The following FBN2 variants were observed in gnomAD, a reference collection of about 807,000 sequenced individuals.
FBN2 encodes fibrillin-2.
Under a neutral mutation model 355.6 loss-of-function variants are expected in FBN2, and 105 were observed. The ratio of observed to expected loss-of-function variants is 0.30; its 90% CI spans 0.25 to 0.35. The LOEUF is 0.35. FBN2 is among the 10% of genes least tolerant of loss of function. The probability of loss-of-function intolerance (pLI) is 1.00; values close to 1 mark genes in which losing one functional copy is unlikely to be tolerated. For synonymous variants in FBN2, 1,350 were observed against 1,301.2 expected (o/e 1.04, Z -0.81); for missense variants, 3,280 against 3,758.7 (o/e 0.87, Z 3.33).
intron 7 of FBN2, among the ~76,000 whole-genome samples, chr5:128,426,240 C>CA (rs1451453665): frequency 6.6e-6 from 1 of 152,182 alleles, no homozygotes; most frequent in Non-Finnish European, 1.5e-5. Context: ...ATTCACATTA[C>CA]ACATCTGGAC....
intron 7 of FBN2, among the ~76,000 whole-genome samples, chr5:128,439,484 T>C (rs1429942847): frequency 6.6e-6 from 1 of 152,144 alleles, no homozygotes; most frequent in East Asian, 1.9e-4. Flanking sequence ...TTATTCTAAA[T>C]ACACTCTGCT....
At chr5:128,402,542 T>A (rs916360515) in intron 8 of FBN2, among the ~76,000 whole-genome samples, 1 of 152,194 alleles carries the variant, frequency 6.6e-6, no homozygotes, top group Non-Finnish European at 1.5e-5. Flanking sequence ...GTAAACTTGA[T>A]TTAAGAGAAC....
chr5:128,507,767 A>C (rs1338268585), intron 5 of FBN2, among the ~76,000 whole-genome samples: 1 of 152,040 alleles, frequency 6.6e-6, no homozygotes, highest in Non-Finnish European at 1.5e-5. Flanking sequence ...CTGTGTGGCA[A>C]AGTGTTCTAT....
At chr5:128,368,055 C>T (rs1751820683) in intron 16 of FBN2, among the ~76,000 whole-genome samples, 1 of 151,954 alleles carries the variant, frequency 6.6e-6, no homozygotes, top group African/African-American at 2.4e-5. Context: ...ACTAAACGTG[C>T]CCCTTCTTTG....
intron 5 of FBN2, among the ~76,000 whole-genome samples, chr5:128,511,767 G>A (rs1360235577): frequency 1.8e-4 from 27 of 152,148 alleles, no homozygotes. Flanking sequence ...GTCAAAGAAA[G>A]TATCACAGAT....
chr5:128,412,697 G>A (rs1484561788), intron 7 of FBN2, among the ~76,000 whole-genome samples: 1 of 152,194 alleles, frequency 6.6e-6, no homozygotes, highest in Non-Finnish European at 1.5e-5. Flanking sequence ...TAGCTAGTTA[G>A]GCATATGCTA....
At position 128,328,690 on chromosome 5, in the gene FBN2, A is replaced by C. The variant is rs371836127; in HGVS notation, c.4471+6T>G. On this transcript the variant is annotated splice_donor_region_variant and intron_variant, in intron 34 of 64. Coordinates refer to ENST00000262464, the MANE Select transcript of FBN2 (RefSeq NM_001999.4). ...TTGAAAATGAGTTGGAATCCTGGTG[A>C]CCCACCTTGGCAGGATCTGCTGTCT... The C allele has an allele frequency of 5.6e-6, 9 of 1,613,928 alleles. No individual in the cohort carries two copies. Among genetic ancestry groups the C allele is most frequent in the Non-Finnish European group, 7.6e-6 (9 of 1,180,000 alleles).
intron 7 of FBN2, among the ~76,000 whole-genome samples, chr5:128,431,696 A>T (rs1357580475): frequency 6.6e-6 from 1 of 152,140 alleles, no homozygotes; most frequent in Non-Finnish European, 1.5e-5. Flanking sequence ...CATTACCATC[A>T]CTACTCTAGC....
chr5:128,491,714 A>G (rs938570501), intron 5 of FBN2, among the ~76,000 whole-genome samples: 1 of 152,222 alleles, frequency 6.6e-6, no homozygotes, highest in South Asian at 2.1e-4. Flanking sequence ...AACAACAAAA[A>G]CAAGTCAACA....
At chr5:128,506,736 C>CAATA (rs1755972299) in intron 5 of FBN2, among the ~76,000 whole-genome samples, 1 of 152,066 alleles carries the variant, frequency 6.6e-6, no homozygotes, top group African/African-American at 2.4e-5. Context: ...CACCATATTA[C>CAATA]AGTTTTTTTG....
intron 7 of FBN2, among the ~76,000 whole-genome samples, chr5:128,418,023 G>C (rs1581276655): frequency 6.6e-6 from 1 of 152,064 alleles, no homozygotes; most frequent in Non-Finnish European, 1.5e-5. Flanking sequence ...GGCTTGTTCT[G>C]GTTTTCAATT....
chr5:128,338,280 C>T (rs971232905), intron 26 of FBN2, among the ~76,000 whole-genome samples, 158 bp from the exon 27 acceptor site: 1 of 152,224 alleles, frequency 6.6e-6, no homozygotes, highest in Non-Finnish European at 1.5e-5. Flanking sequence ...ACTTTTCCTA[C>T]GACCAACAGA....
In FBN2 at chr5:128,286,710, C is replaced by T. The variant is rs1422660066; in HGVS notation, c.7012+8G>A. The T allele has an allele frequency of 2.5e-6, 4 of 1,613,904 alleles. No homozygotes were observed. The highest frequency in any genetic ancestry group is 2.7e-5 in the African/African-American group (2 of 75,016). The stretch of plus-strand genomic sequence containing the variant: ...TTACATAAGCAGACACCTTCCCTTA[C>T]CGCTTACCTACACAGCCTTCTCCAT... On this transcript the variant is annotated splice_region_variant and intron_variant, in intron 55 of 64. Transcript: ENST00000262464.
chr5:128,458,205 A>T (rs902444225), intron 6 of FBN2, among the ~76,000 whole-genome samples: 3 of 152,156 alleles, frequency 2.0e-5, no homozygotes, highest in Admixed American at 2.0e-4. Flanking sequence ...ACCAGCAAAG[A>T]TCAAAAAAGA....
chr5:128,381,285 C>T (rs1238450424), intron 11 of FBN2, among the ~76,000 whole-genome samples: 3 of 152,032 alleles, frequency 2.0e-5, no homozygotes, highest in Non-Finnish European at 2.9e-5. Context: ...TGTTTTCAGG[C>T]ATCAGGAGCA....
At chr5:128,536,376 A>T in intron 2 of FBN2, 26 bp downstream of exon 2, 1 of 1,597,510 alleles carries the variant, frequency 6.3e-7, no homozygotes, top group Non-Finnish European at 8.6e-7. Context: ...CGCTGCCCCA[A>T]GCTGCGATCC....
intron 21 of FBN2, 47 bp downstream of exon 21, chr5:128,350,818 CAGG>C (rs1398915796): frequency 6.2e-7 from 1 of 1,607,306 alleles, no homozygotes; most frequent in Non-Finnish European, 8.5e-7. Context: ...GTCCTAGTGG[CAGG>C]AGAAGTTTCC....
rs894604826 is a variant in FBN2, at chr5:128,345,645, T to C, written c.2990-61A>G. On this transcript the variant is annotated intron_variant, in intron 23 of 64. Transcript: ENST00000262464. The stretch of plus-strand genomic sequence containing the variant: ...TTGAAACATCCATTGAACAGTCACA[T>C]GTCAAGCGTCTGCTCAGCACCAGGC... 4 of 1,460,278 alleles carry C rather than the reference T, an allele frequency of 2.7e-6. No individual in the cohort carries two copies. In the African/African-American group the frequency reaches 5.6e-5, roughly 20 times the overall value. 90.5% of individuals were successfully genotyped at this position (1,460,278 alleles called of 1,614,324 possible).
At chr5:128,344,720 G>C (rs576253384) in intron 24 of FBN2, among the ~76,000 whole-genome samples, 1 of 145,366 alleles carries the variant, frequency 6.9e-6, no homozygotes, top group Admixed American at 6.9e-5. Context: ...TTTTTTTTGA[G>C]ACAGAGTTTC....
Sources: gnomAD v4.1 joint callset for allele counts (sites outside exome capture counted in the v4.1 genomes callset) on GRCh38, gnomAD v4.1.1 for gene constraint, MANE v1.5 for transcripts, NCBI Gene and HGNC (gene_info 2026-07-23, HGNC 2026-07-21) for gene names.